PKP4: variants seen among roughly 807,000 people sequenced by gnomAD.
PKP4 encodes plakophilin-4.
PKP4 carries 90 observed loss-of-function variants against 145.1 expected under a neutral mutation model. That is an observed-to-expected ratio of 0.62 (90% CI 0.52 to 0.74). The LOEUF (loss-of-function observed/expected upper bound fraction) is 0.74, where lower values mean the gene tolerates loss of function less well. Ranked by LOEUF, PKP4 falls within the 30% of genes least tolerant of loss-of-function variation. The pLI is 0.00. For missense variants in PKP4, 1,340 were observed against 1,482.7 expected (o/e 0.90, Z 1.58); for synonymous variants, 563 against 577.2 (o/e 0.98, Z 0.35).
chr2:158,596,383 A>G (rs987006878), intron 3 of PKP4, among the ~76,000 whole-genome samples: 1 of 152,206 alleles, frequency 6.6e-6, no homozygotes, highest in African/African-American at 2.4e-5. Context: ...GGAACTTAGG[A>G]TCAGAGCTCA....
intron 9 of PKP4, among the ~76,000 whole-genome samples, chr2:158,639,432 A>G (rs958931310): frequency 4.6e-5 from 7 of 152,228 alleles, no homozygotes; most frequent in Admixed American, 2.0e-4. Flanking sequence ...GAGACTTCCC[A>G]GATCAAGAGA....
At chr2:158,629,938 T>C (rs1052621553) in intron 7 of PKP4, among the ~76,000 whole-genome samples, 4 of 152,158 alleles carry the variant, frequency 2.6e-5, no homozygotes, top group African/African-American at 9.7e-5. Flanking sequence ...TTCACCACCT[T>C]GGCCAGGCTT....
chr2:158,586,741 C>A (rs908438977), intron 3 of PKP4, among the ~76,000 whole-genome samples: 2 of 152,184 alleles, frequency 1.3e-5, no homozygotes, highest in Non-Finnish European at 2.9e-5. Context: ...TTATCTAGAG[C>A]AGTTTGCTCA....
chr2:158,653,649 A>T (rs2055614676), intron 11 of PKP4, among the ~76,000 whole-genome samples: 1 of 152,258 alleles, frequency 6.6e-6, no homozygotes, highest in Non-Finnish European at 1.5e-5. Flanking sequence ...TAATTGCTTT[A>T]AATTAAATAA....
Position 158,618,454 on chromosome 2 carries a change from A to G in PKP4, c.281-2536A>G, listed in dbSNP as rs185517922. 3.2e-3 allele frequency among the ~76,000 whole-genome samples: 483 copies of G among 152,268 alleles called. 1 individual carries two copies. Among genetic ancestry groups the G allele is most frequent in the Non-Finnish European group, 5.4e-3 (366 of 68,024 alleles). On this transcript the variant is annotated intron_variant, in intron 4 of 21. Transcript: ENST00000389759. ...CGTTGCATTAAAAAATATATGAAAC[A>G]CAGGTCATAATATTTAAAAGGAATA...
intron 16 of PKP4, 28 bp from the exon 17 acceptor site, chr2:158,669,691 AG>A: frequency 6.7e-7 from 1 of 1,490,238 alleles, no homozygotes; most frequent in Non-Finnish European, 9.0e-7. Flanking sequence ...ACCTTCTGGA[AG>A]TAGAATTTAC....
intron 12 of PKP4, 122 bp downstream of exon 12, chr2:158,658,436 T>G: frequency 1.6e-6 from 1 of 617,164 alleles, no homozygotes; most frequent in Admixed American, 3.4e-5. Context: ...TATTTCAAAA[T>G]TTAGGCCACT....
chr2:158,555,619 T>C (rs1176868255), intron 2 of PKP4, among the ~76,000 whole-genome samples: 2 of 152,256 alleles, frequency 1.3e-5, no homozygotes, highest in Non-Finnish European at 2.9e-5. Context: ...GTTAAATGTC[T>C]TGTATTTGGA....
Position 158,550,793 on chromosome 2 carries a change from C to T in PKP4, c.132+17477C>T, listed in dbSNP as rs575535444. ...ACATTTATTGATTTAGGTACATTTA[C>T]GAAGTAATATTTATTGTTAGTTTAG... On this transcript the variant is annotated intron_variant, in intron 2 of 21. Coordinates refer to ENST00000389759, the MANE Select transcript of PKP4 (RefSeq NM_003628.6). Among the ~76,000 whole-genome samples, 5 of 152,236 alleles carry T rather than the reference C, an allele frequency of 3.3e-5. No homozygotes were observed. In the South Asian group the frequency reaches 8.3e-4, roughly 25 times the overall value.
intron 1 of PKP4, among the ~76,000 whole-genome samples, chr2:158,481,395 A>G (rs1005547287): frequency 8.5e-5 from 13 of 152,300 alleles, no homozygotes; most frequent in South Asian, 6.2e-4. Context: ...TAGTTCTTCT[A>G]GGTATATACC....
At chr2:158,664,196 C>T (rs1283846023) in intron 15 of PKP4, among the ~76,000 whole-genome samples, 1 of 152,146 alleles carries the variant, frequency 6.6e-6, no homozygotes, top group African/African-American at 2.4e-5. Flanking sequence ...GGAGCCAGTG[C>T]AGCAATACAA....
At chr2:158,545,548 A>G (rs766285361) in intron 2 of PKP4, among the ~76,000 whole-genome samples, 20 of 152,148 alleles carry the variant, frequency 1.3e-4, no homozygotes, top group Non-Finnish European at 2.4e-4. Flanking sequence ...TCCTAATAAT[A>G]CTTGCATTCA....
chr2:158,484,673 G>T (rs557757276), intron 1 of PKP4, among the ~76,000 whole-genome samples: 110 of 152,336 alleles, frequency 7.2e-4, no homozygotes, highest in Non-Finnish European at 1.1e-3. Context: ...ATGACAATCA[G>T]CCTTTATACC....
Position 158,661,327 on chromosome 2 carries a change from C to T in PKP4, c.2094-6C>T, listed in dbSNP as rs749101241. ...TCAGCAGCTCCTCCTGTCTCCACCC[C>T]TTTAGGAACCTCAGCTCCGCGGGGG... On this transcript the variant is annotated splice_polypyrimidine_tract_variant and splice_region_variant and intron_variant, in intron 12 of 21. Coordinates refer to ENST00000389759, the MANE Select transcript of PKP4 (RefSeq NM_003628.6). The T allele has an allele frequency of 6.2e-7, 1 of 1,609,854 alleles. No individual in the cohort carries two copies. Among genetic ancestry groups the T allele is most frequent in the Non-Finnish European group, 8.5e-7 (1 of 1,176,578 alleles).
At chr2:158,647,615 G>T (rs932886132) in intron 11 of PKP4, among the ~76,000 whole-genome samples, 1 of 152,168 alleles carries the variant, frequency 6.6e-6, no homozygotes, top group African/African-American at 2.4e-5. Flanking sequence ...AAGACAATAT[G>T]GCTGTCATTG....
At chr2:158,577,220 TGA>T (rs1460514718) in intron 2 of PKP4, 49 bp from the exon 3 acceptor site, 8 of 1,099,750 alleles carry the variant, frequency 7.3e-6, no homozygotes, top group Non-Finnish European at 1.1e-5. Context: ...TATATCTGCC[TGA>T]GCAGCATACC....
intron 1 of PKP4, among the ~76,000 whole-genome samples, chr2:158,488,043 C>A (rs1202825231): frequency 6.6e-6 from 1 of 152,040 alleles, no homozygotes; most frequent in Non-Finnish European, 1.5e-5. Context: ...TCTAGGTAGA[C>A]CCTTTATGTT....
rs1268180724 is a variant in PKP4, at chr2:158,626,802, A to G, written c.1153+1375A>G. Among the ~76,000 whole-genome samples, 6 of 152,220 alleles carry G rather than the reference A, an allele frequency of 3.9e-5. No individual in the cohort carries two copies. The South Asian group carries it at 6.2e-4, about 16-fold the overall frequency. On this transcript the variant is annotated intron_variant, in intron 7 of 21. Coordinates refer to ENST00000389759, the MANE Select transcript of PKP4 (RefSeq NM_003628.6). ...ATCTGTTCATCAACGACTTTATTTCATTTTGTGAAACTACAAGTTCTTTTG... is the reference window on the plus strand; with the variant it reads ...ATCTGTTCATCAACGACTTTATTTCGTTTTGTGAAACTACAAGTTCTTTTG...
intron 11 of PKP4, among the ~76,000 whole-genome samples, chr2:158,643,725 A>AG (rs1558941937): frequency 2.1e-5 from 3 of 142,960 alleles, no homozygotes; most frequent in South Asian, 2.3e-4. Context: ...AAAAAAAAAA[A>AG]AAAGAAAAGA....
Sources: allele counts gnomAD v4.1 joint callset (sites outside exome capture counted in the v4.1 genomes callset), GRCh38; gene constraint gnomAD v4.1.1; transcripts MANE v1.5; gene names NCBI Gene and HGNC (gene_info 2026-07-23, HGNC 2026-07-21).